The following CXADR variants were observed in gnomAD, a reference collection of about 807,000 sequenced individuals.
CXADR encodes CXADR cell adhesion molecule.
Under a neutral mutation model 40.3 loss-of-function variants are expected in CXADR, and 20 were observed. The observed-to-expected ratio is 0.50, with a 90% CI of 0.35 to 0.72. The LOEUF is 0.72. Ranked by LOEUF, CXADR falls within the 30% of genes least tolerant of loss-of-function variation. CXADR has a pLI of 0.01. For missense variants in CXADR, 332 were observed against 449.1 expected, an observed-to-expected ratio of 0.74 and a Z score of 2.36; for synonymous variants, 150 against 161.3, an observed-to-expected ratio of 0.93 and a Z score of 0.53.
intron 1 of CXADR, among the ~76,000 whole-genome samples, chr21:17,535,153 C>T (rs1416228942): frequency 1.3e-5 from 2 of 151,802 alleles, no homozygotes; most frequent in African/African-American, 2.4e-5. Context: ...TTTGACACAG[C>T]GTCTTGCTCT....
the CXADR span, among the ~76,000 whole-genome samples, chr21:17,606,178 CT>C: frequency 3.9e-5 from 6 of 152,034 alleles, no homozygotes; most frequent in African/African-American, 7.2e-5. Context: ...ACTCTTAATT[CT>C]CATGATCATC....
At chr21:17,525,110 A>G (rs947845138) in intron 1 of CXADR, among the ~76,000 whole-genome samples, 4 of 152,208 alleles carry the variant, frequency 2.6e-5, no homozygotes, top group African/African-American at 9.6e-5. Flanking sequence ...GGTATGGTTC[A>G]GTTTGTCCTT....
intron 1 of CXADR, among the ~76,000 whole-genome samples, chr21:17,543,313 GAGAA>G (rs924483117): frequency 2.0e-5 from 3 of 152,034 alleles, no homozygotes; most frequent in South Asian, 2.1e-4. Context: ...TGTATCAAAC[GAGAA>G]AGAAAGATAA....
At chr21:17,577,317 T>C (rs2061328726) in intron 7 of CXADR, among the ~76,000 whole-genome samples, 1 of 152,228 alleles carries the variant, frequency 6.6e-6, no homozygotes, top group Non-Finnish European at 1.5e-5. Flanking sequence ...CTCTAATTTT[T>C]TTTCTACTTA....
intron 7 of CXADR, chr21:17,577,053 A>G (rs1417727138): frequency 2.0e-5 from 3 of 152,236 alleles, no homozygotes; most frequent in Admixed American, 6.5e-5. Flanking sequence ...CAGTACTGCT[A>G]TAATGTGTGA....
the CXADR span, among the ~76,000 whole-genome samples, chr21:17,610,529 T>G: frequency 6.6e-6 from 1 of 152,228 alleles, no homozygotes; most frequent in Admixed American, 6.5e-5. Context: ...TTAGCTACAT[T>G]TTGGATTGCC....
chr21:17,520,041 C>T (rs73324066), intron 1 of CXADR, among the ~76,000 whole-genome samples: 1 of 151,908 alleles, frequency 6.6e-6, no homozygotes, highest in Non-Finnish European at 1.5e-5. Context: ...TATATTTGCA[C>T]CTCAACCCAC....
At chr21:17,583,559 C>T (rs2061375479) in intron 7 of CXADR, among the ~76,000 whole-genome samples, 1 of 152,154 alleles carries the variant, frequency 6.6e-6, no homozygotes, top group Non-Finnish European at 1.5e-5. Flanking sequence ...AAATACGCTA[C>T]CATCTCATCC....
chr21:17,584,906 A>G (rs911429923), intron 7 of CXADR, among the ~76,000 whole-genome samples: 1 of 152,232 alleles, frequency 6.6e-6, no homozygotes, highest in Non-Finnish European at 1.5e-5. Context: ...ACAAAGTTCA[A>G]AAATTTTAAA....
the CXADR span, among the ~76,000 whole-genome samples, chr21:17,606,103 A>G: frequency 6.6e-6 from 1 of 152,022 alleles, no homozygotes; most frequent in Non-Finnish European, 1.5e-5. Context: ...TAATATTAAC[A>G]ATAATAAGCA....
At chr21:17,590,657 T>C (rs752277981) in intron 7 of CXADR, among the ~76,000 whole-genome samples, 9 of 152,044 alleles carry the variant, frequency 5.9e-5, no homozygotes, top group Admixed American at 5.2e-4. Context: ...GCTTCATCCA[T>C]TGCAATAGAT....
chr21:17,544,559 A>G (rs1222327008), intron 1 of CXADR, among the ~76,000 whole-genome samples: 1 of 152,074 alleles, frequency 6.6e-6, no homozygotes, highest in Non-Finnish European at 1.5e-5. Context: ...TGAGTGTTCG[A>G]GGGTTGGCCA....
rs1343569674 is a variant in CXADR, at chr21:17,568,197, C to G, written c.*2505C>G. On this transcript the variant is annotated 3_prime_UTR_variant, in exon 7 of 7. Transcript: ENST00000284878. ...AGGCTGGAGTGCAGTGGCGGGATCTCGGCTCACTGCAAGCTCCGCCTCCCA... is the reference window on the plus strand; with the variant it reads ...AGGCTGGAGTGCAGTGGCGGGATCTGGGCTCACTGCAAGCTCCGCCTCCCA... 4.2e-6 allele frequency: 4 copies of G among 952,666 alleles called. No homozygotes were observed. Among genetic ancestry groups the G allele is most frequent in the East Asian group, 1.2e-4 (1 of 8,292 alleles). 59.0% of individuals were successfully genotyped at this position (952,666 alleles called of 1,614,324 possible). A position where few individuals can be genotyped will look rare whatever the true frequency, so the allele number is the denominator to read the frequency against.
At position 17,565,542 on chromosome 21, in the gene CXADR, T is replaced by A; in HGVS notation, c.948T>A (p.Thr316=). The change falls in exon 7 of 7, where the codon ACT becomes ACA. Residue 316 remains threonine (T), a synonymous_variant. Coordinates refer to ENST00000284878, the MANE Select transcript of CXADR (RefSeq NM_001338.5). ...SPSNMEGYSK[T]QYNQVPSEDF... Reference sequence around the variant, plus strand: ...CCAACATGGAAGGATATTCCAAGACTCAGTATAACCAAGTACCAAGTGAAG... The same window carrying A: ...CCAACATGGAAGGATATTCCAAGACACAGTATAACCAAGTACCAAGTGAAG... The A allele has an allele frequency of 3.7e-6, 6 of 1,613,874 alleles. No homozygotes were observed. Among genetic ancestry groups the A allele is most frequent in the Non-Finnish European group, 5.1e-6 (6 of 1,179,842 alleles).
chr21:17,568,711 G>C lies in CXADR; in HGVS notation c.*3019G>C, dbSNP rs2061247274. ...CAGCCAGTTCTGTACTTTGAATATG[G>C]AGTAGTTTACAGCTATTTTTTTTTC... On this transcript the variant is annotated 3_prime_UTR_variant, in exon 7 of 7. Transcript: ENST00000284878. The C allele has an allele frequency of 1.0e-6, 1 of 985,086 alleles. No homozygotes were observed. Among genetic ancestry groups the C allele is most frequent in the Non-Finnish European group, 1.2e-6 (1 of 829,894 alleles). 61.0% of individuals were successfully genotyped at this position (985,086 alleles called of 1,614,324 possible).
In CXADR at chr21:17,560,382, T is replaced by C. The variant is rs2061099932; in HGVS notation, c.572-320T>C. ...TTTTCCTGCTGCAGGAAAGATCCTT[T>C]GTGGAATGCGGTAGCGTTTATAGTC... On this transcript the variant is annotated intron_variant, in intron 4 of 6. Transcript: ENST00000284878. Among the ~76,000 whole-genome samples the C allele has an allele frequency of 2.0e-5, 3 of 152,162 alleles. 1 individual carries two copies. In the South Asian group the frequency reaches 6.2e-4, roughly 31 times the overall value.
rs140770233 is a variant in CXADR, at chr21:17,584,658, T to C, written c.1018-8494T>C. The stretch of plus-strand genomic sequence containing the variant: ...CAGCCTGGCCAACATAGTGAAACCC[T>C]GTCTCTACTAAAAATACAAAAAGTT... On this transcript the variant is annotated intron_variant, in intron 7 of 7. Transcript: ENST00000400169. Among the ~76,000 whole-genome samples, 1,007 of 152,238 alleles carry C rather than the reference T, an allele frequency of 6.6e-3. 51 individuals carry two copies. In the East Asian group the frequency reaches 0.12, roughly 18 times the overall value.
chr21:17,592,884 T>A (rs531014645), intron 7 of CXADR, among the ~76,000 whole-genome samples: 1 of 152,092 alleles, frequency 6.6e-6, no homozygotes, highest in Non-Finnish European at 1.5e-5. Flanking sequence ...GACATTTTCA[T>A]ACTATTGAGC....
chr21:17,595,016 AG>A (rs1398213707), downstream of CXADR, among the ~76,000 whole-genome samples: 2 of 151,822 alleles, frequency 1.3e-5, no homozygotes, highest in African/African-American at 4.8e-5. Flanking sequence ...AAAAAAAAAA[AG>A]ATAAACACAA....
Sources: gnomAD v4.1 joint callset for allele counts (sites outside exome capture counted in the v4.1 genomes callset) on GRCh38, gnomAD v4.1.1 for gene constraint, MANE v1.5 for transcripts, NCBI Gene and HGNC (gene_info 2026-07-23, HGNC 2026-07-21) for gene names.